The following CACNA2D3 variants were observed in gnomAD, a reference collection of about 807,000 sequenced individuals.
CACNA2D3 encodes voltage-dependent calcium channel subunit alpha-2/delta-3.
Under a neutral mutation model 160.6 loss-of-function variants are expected in CACNA2D3, and 60 were observed. The ratio of observed to expected loss-of-function variants is 0.37; its 90% CI spans 0.30 to 0.46. CACNA2D3 has a LOEUF of 0.46. Ranked by LOEUF, CACNA2D3 falls within the 20% of genes least tolerant of loss-of-function variation. The probability of loss-of-function intolerance (pLI) is 1.00; values close to 1 mark genes in which losing one functional copy is unlikely to be tolerated. For synonymous variants in CACNA2D3, 558 were observed against 492.9 expected (o/e 1.13, Z -1.75); for missense variants, 1,205 against 1,365.0 (o/e 0.88, Z 1.85).
chr3:54,167,750 G>T (rs1700487349), intron 2 of CACNA2D3, among the ~76,000 whole-genome samples: 1 of 152,162 alleles, frequency 6.6e-6, no homozygotes, highest in Non-Finnish European at 1.5e-5. Flanking sequence ...CACTGGAGAG[G>T]CTCTGGCGGA....
At position 54,437,133 on chromosome 3, in the gene CACNA2D3, AAATGGGTAGT is replaced by A. The variant is rs148425404; in HGVS notation, c.381+50361_381+50370del. Reference sequence around the variant, plus strand: ...TGGTAATACACTTGTATTCCTTCCAAAATGGGTAGTATTGGCTTGTGAGGATTTTACCTAA... The same window carrying A: ...TGGTAATACACTTGTATTCCTTCCAAATTGGCTTGTGAGGATTTTACCTAA... On this transcript the variant is annotated intron_variant, in intron 4 of 37. Coordinates refer to ENST00000474759, the MANE Select transcript of CACNA2D3 (RefSeq NM_018398.3). Among the ~76,000 whole-genome samples, 17 of 152,324 alleles carry A rather than the reference AAATGGGTAGT, an allele frequency of 1.1e-4. No individual in the cohort carries two copies. The East Asian group carries it at 3.1e-3, about 28-fold the overall frequency.
intron 3 of CACNA2D3, among the ~76,000 whole-genome samples, chr3:54,345,585 G>A (rs970828619): frequency 6.6e-6 from 1 of 152,068 alleles, no homozygotes; most frequent in Non-Finnish European, 1.5e-5. Flanking sequence ...CGGAGTTCCC[G>A]AGAGGCTGAG....
chr3:54,520,090 T>C (rs1354507172), intron 5 of CACNA2D3, among the ~76,000 whole-genome samples: 1 of 152,250 alleles, frequency 6.6e-6, no homozygotes, highest in Non-Finnish European at 1.5e-5. Flanking sequence ...TTTACAAAAG[T>C]GCAAGTTAAC....
chr3:55,011,790 G>A (rs1386272905), intron 34 of CACNA2D3, among the ~76,000 whole-genome samples: 1 of 152,132 alleles, frequency 6.6e-6, no homozygotes, highest in Non-Finnish European at 1.5e-5. Context: ...GTGTCAACTT[G>A]CTTTTGTTAA....
At chr3:54,252,069 A>G (rs1054530903) in intron 2 of CACNA2D3, among the ~76,000 whole-genome samples, 1 of 138,612 alleles carries the variant, frequency 7.2e-6, no homozygotes, top group Non-Finnish European at 1.5e-5. Flanking sequence ...TCTGGATCCC[A>G]GTGGTTCCAA....
At chr3:54,394,330 T>A (rs896265689) in intron 4 of CACNA2D3, among the ~76,000 whole-genome samples, 16 of 151,290 alleles carry the variant, frequency 1.1e-4, no homozygotes, top group South Asian at 4.2e-4. Flanking sequence ...TTTTTTTTTT[T>A]TTATTATTAT....
At chr3:54,504,088 T>C (rs1441480245) in intron 5 of CACNA2D3, among the ~76,000 whole-genome samples, 2 of 152,292 alleles carry the variant, frequency 1.3e-5, no homozygotes, top group East Asian at 3.9e-4. Flanking sequence ...ACCCCTGATG[T>C]GGTACCTTTG....
intron 3 of CACNA2D3, among the ~76,000 whole-genome samples, chr3:54,363,420 A>G (rs1340082635): frequency 6.6e-6 from 1 of 152,140 alleles, no homozygotes; most frequent in Non-Finnish European, 1.5e-5. Context: ...TAGAGTGAGT[A>G]TAGGATCGAC....
In CACNA2D3 at chr3:54,628,810, C is replaced by T. The variant is rs115879879; in HGVS notation, c.1053+934C>T. Among the ~76,000 whole-genome samples the T allele has an allele frequency of 4.5e-3, 691 of 152,078 alleles. 7 individuals carry two copies. Among genetic ancestry groups the T allele is most frequent in the African/African-American group, 0.016 (649 of 41,486 alleles). On this transcript the variant is annotated intron_variant, in intron 10 of 37. Transcript: ENST00000474759. ...CATCTCCTCTCTAGGGCAGGGGGTA[C>T]AACAGGCAGGAGGGGTGACATCAGC...
chr3:54,691,378 T>G (rs1700567178), intron 11 of CACNA2D3, among the ~76,000 whole-genome samples: 1 of 152,132 alleles, frequency 6.6e-6, no homozygotes, highest in East Asian at 1.9e-4. Context: ...GCTCGAAGAC[T>G]CCATACAAAC....
At chr3:54,801,327 G>A (rs759831083) in intron 13 of CACNA2D3, among the ~76,000 whole-genome samples, 63 of 152,204 alleles carry the variant, frequency 4.1e-4, no homozygotes, top group Middle Eastern at 6.8e-3. Context: ...CTTGGCGGGG[G>A]TGGTACAATG....
chr3:54,415,920 A>G (rs1280353639), intron 4 of CACNA2D3, among the ~76,000 whole-genome samples: 3 of 152,200 alleles, frequency 2.0e-5, no homozygotes, highest in Non-Finnish European at 4.4e-5. Flanking sequence ...TAAATTGAAG[A>G]TGAAACTTAG....
chr3:54,448,807 A>C (rs893120954), intron 4 of CACNA2D3, among the ~76,000 whole-genome samples: 84 of 152,202 alleles, frequency 5.5e-4, no homozygotes, highest in African/African-American at 1.9e-3. Context: ...TTATTATATC[A>C]TTACAATGTC....
intron 27 of CACNA2D3, among the ~76,000 whole-genome samples, chr3:54,928,531 G>T (rs1377968131): frequency 6.6e-6 from 1 of 152,120 alleles, no homozygotes; most frequent in Non-Finnish European, 1.5e-5. Context: ...GCACTTCTTT[G>T]GTCATCGAAG....
At chr3:54,814,373 C>T (rs1703402827) in intron 13 of CACNA2D3, among the ~76,000 whole-genome samples, 1 of 152,230 alleles carries the variant, frequency 6.6e-6, no homozygotes, top group Admixed American at 6.5e-5. Context: ...AAGGCATATG[C>T]CTCAAGACTT....
At chr3:54,750,612 A>G (rs1368506332) in intron 11 of CACNA2D3, among the ~76,000 whole-genome samples, 2 of 152,154 alleles carry the variant, frequency 1.3e-5, no homozygotes, top group East Asian at 3.9e-4. Context: ...TGCAACTTTG[A>G]TGAAATGAAG....
At chr3:54,865,615 G>A (rs1265651704) in intron 17 of CACNA2D3, among the ~76,000 whole-genome samples, 1 of 152,222 alleles carries the variant, frequency 6.6e-6, no homozygotes, top group Non-Finnish European at 1.5e-5. Context: ...AGACAAATGA[G>A]CACCAAGTCA....
intron 2 of CACNA2D3, among the ~76,000 whole-genome samples, chr3:54,210,622 A>C (rs894008373): frequency 1.8e-4 from 28 of 152,212 alleles, no homozygotes; most frequent in Non-Finnish European, 3.7e-4. Flanking sequence ...TTGGAAAGAC[A>C]GTGAAATGCG....
chr3:55,071,278 A>G (rs1704798853), intron 35 of CACNA2D3, among the ~76,000 whole-genome samples: 2 of 152,108 alleles, frequency 1.3e-5, no homozygotes, highest in South Asian at 4.1e-4. Flanking sequence ...TTATAAACCC[A>G]ATTTAAGAGT....
Sources: gnomAD v4.1 joint callset for allele counts (sites outside exome capture counted in the v4.1 genomes callset) on GRCh38, gnomAD v4.1.1 for gene constraint, MANE v1.5 for transcripts, NCBI Gene and HGNC (gene_info 2026-07-23, HGNC 2026-07-21) for gene names.